Variants in GPAM observed in about 807,000 individuals in gnomAD.
The protein encoded by GPAM is glycerol-3-phosphate acyltransferase 1, mitochondrial.
GPAM carries 56 observed loss-of-function variants against 105.0 expected under a neutral mutation model. The ratio of observed to expected loss-of-function variants is 0.53; its 90% CI spans 0.43 to 0.67. GPAM has a LOEUF of 0.67. Among genes scored for constraint, GPAM ranks in the 30% least tolerant of loss-of-function variants. GPAM has a pLI of 0.00. For synonymous variants in GPAM, 368 were observed against 354.4 expected (o/e 1.04, Z -0.43); for missense variants, 855 against 989.8 (o/e 0.86, Z 1.83).
the GPAM span, among the ~76,000 whole-genome samples, chr10:112,225,582 G>A: frequency 1.3e-5 from 2 of 152,164 alleles, no homozygotes; most frequent in Non-Finnish European, 1.5e-5. Context: ...GGGAGTCTGA[G>A]TGGGATCCCC....
Position 112,150,465 on chromosome 10 carries a change from A to G in GPAM, c.*3085T>C, listed in dbSNP as rs1846895751. ...GTGCTTATTTTCTGCAGGGGAGGAA[A>G]TACACATCTATTCAACGCCACACTG... On this transcript the variant is annotated 3_prime_UTR_variant, in exon 22 of 22. Coordinates refer to ENST00000348367, the MANE Select transcript of GPAM (RefSeq NM_001244949.2). The G allele has an allele frequency of 6.1e-6, 6 of 985,414 alleles. No individual in the cohort carries two copies. Among genetic ancestry groups the G allele is most frequent in the East Asian group, 1.1e-4 (1 of 8,824 alleles). The allele number at this position is 985,414 out of a possible 1,614,324, so 61.0% of individuals were successfully genotyped here. A position where few individuals can be genotyped will look rare whatever the true frequency, so the allele number is the denominator to read the frequency against.
Position 112,150,638 on chromosome 10 carries a change from A to G in GPAM, c.*2912T>C. ...TTCATAAGTATCCCAAAGGAGAAAAAGGTCCTGGTGTCAAAATAGTTTGGG... is the reference window on the plus strand; with the variant it reads ...TTCATAAGTATCCCAAAGGAGAAAAGGGTCCTGGTGTCAAAATAGTTTGGG... On this transcript the variant is annotated 3_prime_UTR_variant, in exon 22 of 22. Coordinates refer to ENST00000348367, the MANE Select transcript of GPAM (RefSeq NM_001244949.2). 1.1e-6 allele frequency: 1 copy of G among 907,438 alleles called. No homozygotes were observed. The highest frequency in any genetic ancestry group is 1.3e-6 in the Non-Finnish European group (1 of 758,792). 56.2% of individuals were successfully genotyped at this position (907,438 alleles called of 1,614,324 possible).
chr10:112,150,714 G>A lies in GPAM; in HGVS notation c.*2836C>T, dbSNP rs368048637. 2.2e-4 allele frequency: 213 copies of A among 972,680 alleles called. 2 individuals carry two copies. The South Asian group carries it at 8.6e-3, about 39-fold the overall frequency. 60.3% of individuals were successfully genotyped at this position (972,680 alleles called of 1,614,324 possible). A position where few individuals can be genotyped will look rare whatever the true frequency, so the allele number is the denominator to read the frequency against. On this transcript the variant is annotated 3_prime_UTR_variant, in exon 22 of 22. Transcript: ENST00000348367. Reference sequence around the variant, plus strand: ...CTACCGGATGCCAAGCCCTTACTGCGCTAAAGTGCATTGTAAGTTTCCAGG... The same window carrying A: ...CTACCGGATGCCAAGCCCTTACTGCACTAAAGTGCATTGTAAGTTTCCAGG...
At chr10:112,160,190 A>T in intron 16 of GPAM, 137 bp from the exon 17 acceptor site, 1 of 965,698 alleles carries the variant, frequency 1.0e-6, no homozygotes, top group Non-Finnish European at 1.6e-6. Flanking sequence ...AGTAAATCCC[A>T]TAAGACTAAA....
intron 21 of GPAM, 60 bp downstream of exon 21, chr10:112,154,569 C>T (rs1277915181): frequency 8.2e-7 from 1 of 1,214,416 alleles, no homozygotes; most frequent in Non-Finnish European, 1.2e-6. Flanking sequence ...CTCAAACAGA[C>T]TAGATCTAAA....
Position 112,160,010 on chromosome 10 carries a change from AC to A in GPAM, c.1802del (p.Gly601ValfsTer9), listed in dbSNP as rs1296236751. 6.2e-7 allele frequency: 1 copy of A among 1,613,352 alleles called. No individual in the cohort carries two copies. Among genetic ancestry groups the A allele is most frequent in the Admixed American group, 1.7e-5 (1 of 59,996 alleles). On this transcript the variant is annotated frameshift_variant, in exon 17 of 22. Coordinates refer to ENST00000348367, the MANE Select transcript of GPAM (RefSeq NM_001244949.2). LOFTEE classifies it high-confidence loss of function. ...YAVLNKRGLGGPTSTPPNLIS... is the reference protein window; with the variant it reads ...YAVLNKRGLGXPTSTPPNLIS... ...TCAGGTTAGGTGGGGTGCTAGTGGG[AC>A]CCCCCAGTCCCCTCTTGTTCAGAAC...
intron 1 of GPAM, among the ~76,000 whole-genome samples, chr10:112,193,346 C>T (rs566753804): frequency 2.0e-5 from 3 of 152,184 alleles, no homozygotes; most frequent in South Asian, 2.1e-4. Context: ...GGAGGTGCCA[C>T]GTGAGAAACA....
At chr10:112,189,652 G>T (rs1847633726) in intron 1 of GPAM, among the ~76,000 whole-genome samples, 1 of 152,132 alleles carries the variant, frequency 6.6e-6, no homozygotes, top group Admixed American at 6.5e-5. Flanking sequence ...AGCCAAGATG[G>T]TCACATGACC....
intron 1 of GPAM, among the ~76,000 whole-genome samples, chr10:112,192,992 T>C (rs1162416499): frequency 4.6e-5 from 7 of 152,182 alleles, no homozygotes; most frequent in Admixed American, 4.6e-4. Flanking sequence ...TATTGAGCAA[T>C]TTCTATGTGC....
intron 1 of GPAM, among the ~76,000 whole-genome samples, chr10:112,194,619 AT>A (rs1399830919): frequency 6.6e-6 from 1 of 152,178 alleles, no homozygotes; most frequent in African/African-American, 2.4e-5. Context: ...GGTGGACTAG[AT>A]TTTAACATGG....
chr10:112,227,003 TA>T, the GPAM span, among the ~76,000 whole-genome samples: 1 of 152,134 alleles, frequency 6.6e-6, no homozygotes, highest in South Asian at 2.1e-4. Context: ...AAGACTCTTT[TA>T]CATTATGTCA....
intron 7 of GPAM, 83 bp from the exon 8 acceptor site, chr10:112,173,149 CTACT>C (rs1192934200): frequency 2.4e-5 from 20 of 826,812 alleles, no homozygotes; most frequent in Non-Finnish European, 4.0e-5. Flanking sequence ...TGACTTCTGT[CTACT>C]TAAATTTATG....
In GPAM at chr10:112,168,501, CT is replaced by C. The variant is rs757586895; in HGVS notation, c.917del (p.Gln306ArgfsTer31). On this transcript the variant is annotated frameshift_variant, in exon 11 of 22. Coordinates refer to ENST00000348367, the MANE Select transcript of GPAM (RefSeq NM_001244949.2). LOFTEE classifies it high-confidence loss of function. ...LHGHIVELLR[Q>X]QQFLEIFLEG... Reference sequence around the variant, plus strand: ...CCAGGAAGATCTCCAAGAATTGCTGCTGTCGAAGTAATTCAACTATATGCTG... The same window carrying C: ...CCAGGAAGATCTCCAAGAATTGCTGCGTCGAAGTAATTCAACTATATGCTG... 1 of 1,609,548 alleles carries C rather than the reference CT, an allele frequency of 6.2e-7. No homozygotes were observed. The highest frequency in any genetic ancestry group is 1.3e-5 in the African/African-American group (1 of 74,796).
At position 112,153,729 on chromosome 10, in the gene GPAM, C is replaced by T. The variant is rs934892467; in HGVS notation, c.2371-63G>A. 5.4e-5 allele frequency: 84 copies of T among 1,569,444 alleles called. No individual in the cohort carries two copies. The African/African-American group carries it at 9.1e-4, about 17-fold the overall frequency. ...TAAAAAATAAAAAAAATTTCCATTACCAACCTGACCTGTGGTGTCCTAGAC... is the reference window on the plus strand; with the variant it reads ...TAAAAAATAAAAAAAATTTCCATTATCAACCTGACCTGTGGTGTCCTAGAC... On this transcript the variant is annotated intron_variant, in intron 21 of 21. Coordinates refer to ENST00000348367, the MANE Select transcript of GPAM (RefSeq NM_001244949.2).
intron 5 of GPAM, among the ~76,000 whole-genome samples, chr10:112,177,761 A>G (rs1183485842): frequency 6.6e-6 from 1 of 152,242 alleles, no homozygotes; most frequent in African/African-American, 2.4e-5. Flanking sequence ...TCTAAGTGAC[A>G]TCTACACTCC....
At chr10:112,180,708 G>A in intron 3 of GPAM, 113 bp from the exon 4 acceptor site, 1 of 976,232 alleles carries the variant, frequency 1.0e-6, no homozygotes. Flanking sequence ...GCATATTCTG[G>A]GTGATTTTCA....
At chr10:112,181,932 C>A in intron 2 of GPAM, 119 bp from the exon 3 acceptor site, 1 of 648,614 alleles carries the variant, frequency 1.5e-6, no homozygotes, top group Non-Finnish European at 2.8e-6. Context: ...AACTGACAGA[C>A]TTCTACCATG....
chr10:112,219,745 G>A (rs1209741120), upstream of GPAM, among the ~76,000 whole-genome samples: 1 of 152,140 alleles, frequency 6.6e-6, no homozygotes, highest in Non-Finnish European at 1.5e-5. Context: ...ATATAACAGT[G>A]AGATTATGAC....
intron 1 of GPAM, among the ~76,000 whole-genome samples, chr10:112,195,681 A>G (rs1378405547): frequency 3.3e-5 from 5 of 152,194 alleles, no homozygotes; most frequent in Non-Finnish European, 7.3e-5. Flanking sequence ...GGCATTCTTG[A>G]CTTTTCCCCT....
Sources: allele counts gnomAD v4.1 joint callset (sites outside exome capture counted in the v4.1 genomes callset), GRCh38; gene constraint gnomAD v4.1.1; transcripts MANE v1.5; gene names NCBI Gene and HGNC (gene_info 2026-07-23, HGNC 2026-07-21).